Variants in ZMYM2 observed in about 807,000 individuals in gnomAD.
ZMYM2 encodes zinc finger MYM-type containing 2, also known as zinc finger MYM-type protein 2.
ZMYM2 carries 56 observed loss-of-function variants against 162.8 expected under a neutral mutation model. The observed-to-expected ratio is 0.34, with a 90% CI of 0.28 to 0.43. The LOEUF (loss-of-function observed/expected upper bound fraction) is 0.43. Among genes scored for constraint, ZMYM2 ranks in the 20% least tolerant of loss-of-function variants. The pLI is 1.00. For missense variants in ZMYM2, 1,275 were observed against 1,621.8 expected (o/e 0.79, Z 3.67); for synonymous variants, 510 against 541.6 (o/e 0.94, Z 0.81).
chr13:19,870,550 T>TCTTTCTTCCTTC, the ZMYM2 span, among the ~76,000 whole-genome samples: 2 of 114,842 alleles, frequency 1.7e-5, no homozygotes, highest in African/African-American at 3.4e-5. Flanking sequence ...TTTCTTTCTT[T>TCTTTCTTCCTTC]CTTCCTTCCT....
At chr13:19,934,200 G>T in the ZMYM2 span, among the ~76,000 whole-genome samples, 1 of 151,986 alleles carries the variant, frequency 6.6e-6, no homozygotes, top group Non-Finnish European at 1.5e-5. Flanking sequence ...TCGATCTCTT[G>T]CCCAGGCTGG....
chr13:19,938,663 C>T, the ZMYM2 span, among the ~76,000 whole-genome samples: 1 of 151,810 alleles, frequency 6.6e-6, no homozygotes, highest in African/African-American at 2.4e-5. Flanking sequence ...CAGTCACTCA[C>T]ACTAAATGCC....
At chr13:20,017,246 C>T (rs1262246138) in intron 6 of ZMYM2, among the ~76,000 whole-genome samples, 4 of 152,172 alleles carry the variant, frequency 2.6e-5, no homozygotes, top group African/African-American at 4.8e-5. Flanking sequence ...CATTGTAGCC[C>T]GGCCAGGGTG....
intron 4 of ZMYM2, among the ~76,000 whole-genome samples, chr13:20,003,416 A>G (rs1950528332): frequency 6.6e-6 from 1 of 152,220 alleles, no homozygotes; most frequent in Non-Finnish European, 1.5e-5. Flanking sequence ...CCAAATAAAA[A>G]TGCTAAGCAG....
At chr13:19,972,446 A>G (rs910617578) in intron 2 of ZMYM2, among the ~76,000 whole-genome samples, 8 of 152,130 alleles carry the variant, frequency 5.3e-5, no homozygotes, top group Non-Finnish European at 1.2e-4. Context: ...AAACATGTAT[A>G]GTATAAATAT....
chr13:19,960,639 C>G (rs879691088), intron 2 of ZMYM2, among the ~76,000 whole-genome samples: 3 of 152,192 alleles, frequency 2.0e-5, no homozygotes, highest in African/African-American at 7.2e-5. Context: ...CTTCGTTCCC[C>G]ATCTTCCATG....
chr13:20,037,015 C>CT, intron 12 of ZMYM2, 106 bp downstream of exon 12: 1 of 1,083,944 alleles, frequency 9.2e-7, no homozygotes, highest in South Asian at 2.0e-5. Context: ...AATGTACACA[C>CT]TTAAGGCCCA....
At chr13:19,952,621 T>C in the ZMYM2 span, among the ~76,000 whole-genome samples, 134,704 of 152,232 alleles carry the variant, frequency 0.88, 60,472 homozygotes, top group East Asian at 0.99. Flanking sequence ...GTTAAGACTA[T>C]AGTTGCAAAC....
the ZMYM2 span, among the ~76,000 whole-genome samples, chr13:19,900,934 A>C: frequency 1.3e-5 from 2 of 152,144 alleles, no homozygotes; most frequent in Admixed American, 6.6e-5. Flanking sequence ...CGTGAGGCTG[A>C]GGCATGGATT....
At chr13:20,017,818 G>T (rs1251504023) in intron 6 of ZMYM2, among the ~76,000 whole-genome samples, 2 of 152,018 alleles carry the variant, frequency 1.3e-5, no homozygotes, top group Admixed American at 1.3e-4. Flanking sequence ...CATGTGTATT[G>T]GTTATTGGAG....
In ZMYM2 at chr13:19,993,509, CT is replaced by C; in HGVS notation, c.438del (p.Asn148ThrfsTer18). 1 of 1,614,034 alleles carries C rather than the reference CT, an allele frequency of 6.2e-7. No homozygotes were observed. Among genetic ancestry groups the C allele is most frequent in the Non-Finnish European group, 8.5e-7 (1 of 1,179,996 alleles). On this transcript the variant is annotated frameshift_variant, in exon 3 of 25. Transcript: ENST00000610343. LOFTEE classifies it high-confidence loss of function. ...SNFIERRPPE[T>X]KNRTNDVDFS... is the part of the protein sequence containing the mutation. ...TTTATTGAACGAAGACCTCCTGAGA[CT>C]AAAAACAGAACCAATGATGTGGATT...
chr13:19,939,708 T>C, the ZMYM2 span, among the ~76,000 whole-genome samples: 2 of 152,206 alleles, frequency 1.3e-5, no homozygotes, highest in African/African-American at 4.8e-5. Flanking sequence ...ATATCTATTG[T>C]GGAACATTTA....
At chr13:19,889,787 C>T in the ZMYM2 span, among the ~76,000 whole-genome samples, 1 of 151,676 alleles carries the variant, frequency 6.6e-6, no homozygotes, top group Non-Finnish European at 1.5e-5. Context: ...TTTGTTTTTT[C>T]CATCCTAGCT....
At chr13:19,894,012 T>C in the ZMYM2 span, among the ~76,000 whole-genome samples, 1 of 151,784 alleles carries the variant, frequency 6.6e-6, no homozygotes, top group Non-Finnish European at 1.5e-5. Context: ...AGTTTCTATA[T>C]GTGAGTAAAG....
chr13:20,038,630 GTGTCT>G (rs1207720731), intron 12 of ZMYM2, among the ~76,000 whole-genome samples: 7 of 152,064 alleles, frequency 4.6e-5, no homozygotes, highest in Non-Finnish European at 8.8e-5. Flanking sequence ...ATTGGTCTAT[GTGTCT>G]GCTTTTGTAC....
intron 8 of ZMYM2, among the ~76,000 whole-genome samples, 167 bp downstream of exon 8, chr13:20,026,929 T>C (rs1173041653): frequency 3.3e-5 from 5 of 152,174 alleles, no homozygotes; most frequent in African/African-American, 1.2e-4. Flanking sequence ...ACTTTTTTAG[T>C]TCTCTTCATG....
At chr13:19,888,049 G>A in the ZMYM2 span, among the ~76,000 whole-genome samples, 1 of 151,440 alleles carries the variant, frequency 6.6e-6, no homozygotes, top group Non-Finnish European at 1.5e-5. Context: ...TTGGCTAATT[G>A]TTGTCTTTTA....
the ZMYM2 span, among the ~76,000 whole-genome samples, chr13:19,889,566 C>T: frequency 7.9e-5 from 12 of 151,938 alleles, no homozygotes; most frequent in East Asian, 1.9e-3. Context: ...GAGATCCGCC[C>T]GCCTCAGCCT....
intron 3 of ZMYM2, among the ~76,000 whole-genome samples, chr13:19,997,517 G>T (rs1490129857): frequency 6.6e-6 from 1 of 152,076 alleles, no homozygotes; most frequent in Non-Finnish European, 1.5e-5. Context: ...GTGTGTGTAT[G>T]TGTGTATGGG....
Sources: allele counts gnomAD v4.1 joint callset (sites outside exome capture counted in the v4.1 genomes callset), GRCh38; gene constraint gnomAD v4.1.1; transcripts MANE v1.5; gene names NCBI Gene and HGNC (gene_info 2026-07-23, HGNC 2026-07-21).